Variants in STK39 observed in about 807,000 individuals in gnomAD.
The protein encoded by STK39 is serine/threonine kinase 39, also known as STE20/SPS1-related proline-alanine-rich protein kinase.
Under a neutral mutation model 77.8 loss-of-function variants are expected in STK39, and 20 were observed. That is an observed-to-expected ratio of 0.26 (90% confidence interval 0.18 to 0.37). STK39 has a LOEUF of 0.37. Among genes scored for constraint, STK39 ranks in the 10% least tolerant of loss-of-function variants. The pLI, the probability that STK39 is intolerant of heterozygous loss-of-function variation, is 1.00. For synonymous variants in STK39, 246 were observed against 234.1 expected, an observed-to-expected ratio of 1.05 and a Z score of -0.47; for missense variants, 479 against 656.5, an observed-to-expected ratio of 0.73 and a Z score of 2.95.
At chr2:168,049,779 C>T (rs1685346424) in intron 14 of STK39, among the ~76,000 whole-genome samples, 1 of 152,242 alleles carries the variant, frequency 6.6e-6, no homozygotes, top group South Asian at 2.1e-4. Flanking sequence ...CTGTGCCCTG[C>T]ACTTGCCTGA....
At chr2:168,154,058 G>C (rs1477725727) in intron 5 of STK39, among the ~76,000 whole-genome samples, 1 of 152,228 alleles carries the variant, frequency 6.6e-6, no homozygotes, top group African/African-American at 2.4e-5. Flanking sequence ...GAACTGATGG[G>C]TCTGTGGACC....
chr2:168,123,872 C>CAAA lies in STK39; in HGVS notation c.1089+5666_1089+5668dup, dbSNP rs60490866. Among the ~76,000 whole-genome samples the CAAA allele has an allele frequency of 1.5e-3, 176 of 119,698 alleles. 2 individuals carry two copies. The highest frequency in any genetic ancestry group is 2.4e-3 in the Non-Finnish European group (139 of 56,882). The allele number at this position is 119,698 out of a possible 152,430, so 78.5% of individuals were successfully genotyped here. A position where few individuals can be genotyped will look rare whatever the true frequency, so the allele number is the denominator to read the frequency against. On this transcript the variant is annotated intron_variant, in intron 10 of 17. Coordinates refer to ENST00000355999, the MANE Select transcript of STK39 (RefSeq NM_013233.3). Reference sequence around the variant, plus strand: ...TGGGCAAAAGAGCGAGATTCCATCTCAAAAAAAAAAAAAAAAAAGTTAAAA... The same window carrying CAAA: ...TGGGCAAAAGAGCGAGATTCCATCTCAAAAAAAAAAAAAAAAAAAAAGTTAAAA...
Position 168,063,698 on chromosome 2 carries a change from A to T in STK39, c.1306-128T>A. On this transcript the variant is annotated intron_variant, in intron 13 of 17. Coordinates refer to ENST00000355999, the MANE Select transcript of STK39 (RefSeq NM_013233.3). ...TTCAAAACTAGATCTTTACACACGC[A>T]GGCCTTCTTTGGCATCGTAACACCT... 3.9e-6 allele frequency: 3 copies of T among 766,968 alleles called. No homozygotes were observed. In the South Asian group the frequency reaches 5.6e-5, roughly 14 times the overall value. The allele number at this position is 766,968 out of a possible 1,614,324, so 47.5% of individuals were successfully genotyped here. A position where few individuals can be genotyped will look rare whatever the true frequency, so the allele number is the denominator to read the frequency against.
chr2:168,216,061 T>G (rs895679726), intron 1 of STK39, among the ~76,000 whole-genome samples: 1 of 152,122 alleles, frequency 6.6e-6, no homozygotes, highest in Non-Finnish European at 1.5e-5. Context: ...ATCTTTCATG[T>G]ATTGGGTAAA....
At position 168,050,046 on chromosome 2, in the gene STK39, C is replaced by T. The variant is rs775242344; in HGVS notation, c.1376+13454G>A. Among the ~76,000 whole-genome samples, 89 of 152,304 alleles carry T rather than the reference C, an allele frequency of 5.8e-4. 1 individual carries two copies. The highest frequency in any genetic ancestry group is 9.7e-4 in the Non-Finnish European group (66 of 68,026). On this transcript the variant is annotated intron_variant, in intron 14 of 17. Coordinates refer to ENST00000355999, the MANE Select transcript of STK39 (RefSeq NM_013233.3). ...CTTATCAGCTGAAAGGGATAATATGCAATTTCATACTTCCATATGATTGTC... is the reference window on the plus strand; with the variant it reads ...CTTATCAGCTGAAAGGGATAATATGTAATTTCATACTTCCATATGATTGTC...
chr2:168,125,413 A>C (rs1248688192), intron 10 of STK39, among the ~76,000 whole-genome samples: 2 of 152,202 alleles, frequency 1.3e-5, no homozygotes, highest in African/African-American at 2.4e-5. Flanking sequence ...ATGGCTACAA[A>C]GCCTTTTATT....
intron 10 of STK39, among the ~76,000 whole-genome samples, chr2:168,082,714 G>A (rs906280489): frequency 2.0e-5 from 3 of 152,074 alleles, no homozygotes; most frequent in Non-Finnish European, 4.4e-5. Flanking sequence ...CCTTCTCCAT[G>A]GCCTCCCTGA....
intron 1 of STK39, among the ~76,000 whole-genome samples, chr2:168,246,972 G>T (rs1207458802): frequency 1.3e-5 from 2 of 149,478 alleles, no homozygotes; most frequent in Non-Finnish European, 3.0e-5. Context: ...AAAGTTTGCA[G>T]CATGCGGCTC....
At chr2:168,041,935 T>C (rs1414870614) in intron 14 of STK39, among the ~76,000 whole-genome samples, 1 of 152,174 alleles carries the variant, frequency 6.6e-6, no homozygotes. Context: ...TATCCAAGGT[T>C]CTTTATAGAA....
At chr2:168,097,739 CAAAA>C (rs34477630) in intron 10 of STK39, among the ~76,000 whole-genome samples, 1 of 145,186 alleles carries the variant, frequency 6.9e-6, no homozygotes, top group Admixed American at 6.8e-5. Flanking sequence ...GTCTCAAAAA[CAAAA>C]AAAAAAAAAA....
intron 1 of STK39, among the ~76,000 whole-genome samples, chr2:168,198,347 A>C (rs1203073672): frequency 6.6e-6 from 1 of 152,204 alleles, no homozygotes. Flanking sequence ...TTTAGCCCTA[A>C]GACTGAGCAC....
At chr2:168,002,305 C>T (rs1224864707) in intron 16 of STK39, among the ~76,000 whole-genome samples, 1 of 152,218 alleles carries the variant, frequency 6.6e-6, no homozygotes, top group Admixed American at 6.5e-5. Context: ...AAACTGAGAA[C>T]GTCTTTGGGG....
rs527704905 is a variant in STK39 at position 168,025,948 on chromosome 2, A to C, written c.1377-8853T>G. 3.9e-5 allele frequency among the ~76,000 whole-genome samples: 6 copies of C among 152,312 alleles called. No individual in the cohort carries two copies. In the East Asian group the frequency reaches 1.2e-3, roughly 29 times the overall value. ...GGAGTTAATCCACTTACCAGCAATG[A>C]CATTCAGTAAGCCACTTCACCTCTC... On this transcript the variant is annotated intron_variant, in intron 14 of 17. Transcript: ENST00000355999.
chr2:168,194,878 AT>A (rs1353375789), intron 1 of STK39, among the ~76,000 whole-genome samples: 1 of 151,664 alleles, frequency 6.6e-6, no homozygotes, highest in Non-Finnish European at 1.5e-5. Flanking sequence ...ACAAGTATTG[AT>A]TTTTTTTTAA....
rs1689665488 is a variant in STK39 at position 168,203,619 on chromosome 2, G to GA, written c.209-21530_209-21529insT. ...TGAGTCTTGTTTTTTTTGAGACGGA[G>GA]TCTCGCTCTGTCACCCAGGCTGGAG... is the stretch of plus-strand genomic sequence containing the variant. On this transcript the variant is annotated intron_variant, in intron 1 of 17. Coordinates refer to ENST00000355999, the MANE Select transcript of STK39 (RefSeq NM_013233.3). Among the ~76,000 whole-genome samples, 77 of 152,306 alleles carry GA rather than the reference G, an allele frequency of 5.1e-4. 1 individual carries two copies. Among genetic ancestry groups the GA allele is most frequent in the Admixed American group, 5.0e-3 (77 of 15,308 alleles).
In STK39 at chr2:168,129,541, C is replaced by T; in HGVS notation, c.1089G>A (p.Lys363=). Residue 363 remains lysine (K), a splice_region_variant and synonymous_variant, in exon 10 of 18, where the codon AAG becomes AAA. Transcript: ENST00000355999. ...GGTCATGAAGGCTAATGGCACTTAC[C>T]TTTTTGGCTCTTTGGGCTATGTCTG... is the stretch of plus-strand genomic sequence containing the variant. ...RTPDIAQRAK[K]VRRVPGSSGH... 1 of 1,613,988 alleles carries T rather than the reference C, an allele frequency of 6.2e-7. No homozygotes were observed. Among genetic ancestry groups the T allele is most frequent in the South Asian group, 1.1e-5 (1 of 91,076 alleles).
intron 2 of STK39, among the ~76,000 whole-genome samples, chr2:168,168,558 C>T (rs1202233385): frequency 1.3e-5 from 2 of 152,182 alleles, no homozygotes; most frequent in Non-Finnish European, 2.9e-5. Context: ...CCAAGCAGAA[C>T]ATCTCAATTT....
intron 14 of STK39, among the ~76,000 whole-genome samples, chr2:168,053,319 C>G (rs1249986026): frequency 6.6e-6 from 1 of 151,994 alleles, no homozygotes; most frequent in East Asian, 1.9e-4. Context: ...CCAAAGTAAA[C>G]AGAGCAGATT....
intron 14 of STK39, among the ~76,000 whole-genome samples, chr2:168,049,312 T>G (rs887257176): frequency 2.0e-5 from 3 of 152,252 alleles, no homozygotes; most frequent in Non-Finnish European, 4.4e-5. Context: ...ACAAAAGTCC[T>G]GGTAATTTTC....
Sources: gnomAD v4.1 joint callset for allele counts (sites outside exome capture counted in the v4.1 genomes callset) on GRCh38, gnomAD v4.1.1 for gene constraint, MANE v1.5 for transcripts, NCBI Gene and HGNC (gene_info 2026-07-23, HGNC 2026-07-21) for gene names.